The following ANKRD17 variants were observed in gnomAD, a reference collection of about 807,000 sequenced individuals.
ANKRD17 encodes the protein ankyrin repeat domain 17, also known as ankyrin repeat domain-containing protein 17.
Under a neutral mutation model 229.7 loss-of-function variants are expected in ANKRD17, and 19 were observed. That is an observed-to-expected ratio of 0.08 (90% confidence interval 0.06 to 0.12). ANKRD17 has a LOEUF of 0.12. Among genes scored for constraint, ANKRD17 ranks in the 10% least tolerant of loss-of-function variants. The pLI is 1.00. For missense variants in ANKRD17, 2,176 were observed against 3,176.8 expected, an observed-to-expected ratio of 0.68 and a Z score of 7.57; for synonymous variants, 1,112 against 1,146.1, an observed-to-expected ratio of 0.97 and a Z score of 0.60.
intron 1 of ANKRD17, among the ~76,000 whole-genome samples, chr4:73,181,288 A>T (rs1735509612): frequency 6.6e-6 from 1 of 152,206 alleles, no homozygotes; most frequent in Non-Finnish European, 1.5e-5. Context: ...GGAGATAAAG[A>T]AATGCATGAT....
intron 1 of ANKRD17, among the ~76,000 whole-genome samples, chr4:73,213,311 T>A (rs1740571654): frequency 1.3e-5 from 2 of 152,086 alleles, no homozygotes; most frequent in Non-Finnish European, 1.5e-5. Flanking sequence ...CTGTGTGAAA[T>A]CAAAGAGTTA....
chr4:73,099,089 C>A, intron 25 of ANKRD17: 1 of 869,758 alleles, frequency 1.1e-6, no homozygotes, highest in Non-Finnish European at 1.9e-6. Flanking sequence ...ACCCAAAAAA[C>A]TGGAGAAGGA....
intron 12 of ANKRD17, 66 bp downstream of exon 12, chr4:73,142,574 T>C (rs1156654540): frequency 6.2e-7 from 1 of 1,610,346 alleles, no homozygotes; most frequent in Admixed American, 1.7e-5. Context: ...GTACATGATA[T>C]GTTGTAACAA....
intron 1 of ANKRD17, among the ~76,000 whole-genome samples, chr4:73,194,781 C>A (rs976048002): frequency 2.6e-5 from 4 of 151,984 alleles, no homozygotes; most frequent in African/African-American, 4.8e-5. Flanking sequence ...CAAAAATTAA[C>A]CTGAAATAAA....
chr4:73,258,711 G>T lies in ANKRD17; in HGVS notation c.-43C>A. 7.1e-7 allele frequency: 1 copy of T among 1,407,930 alleles called. No homozygotes were observed. Among genetic ancestry groups the T allele is most frequent in the Non-Finnish European group, 9.2e-7 (1 of 1,092,654 alleles). The allele number at this position is 1,407,930 out of a possible 1,614,324, so 87.2% of individuals were successfully genotyped here. A position where few individuals can be genotyped will look rare whatever the true frequency, so the allele number is the denominator to read the frequency against. On this transcript the variant is annotated 5_prime_UTR_variant, in exon 1 of 34. Coordinates refer to ENST00000358602, the MANE Select transcript of ANKRD17 (RefSeq NM_032217.5). ...GGGCGCGGACGGGGGAGGGGCGTGGGGCTACGCTCTACCGCGACTTCGGCC... is the reference window on the plus strand; with the variant it reads ...GGGCGCGGACGGGGGAGGGGCGTGGTGCTACGCTCTACCGCGACTTCGGCC...
chr4:73,090,527 A>T (rs1402675808), intron 29 of ANKRD17, 140 bp downstream of exon 29: 4 of 1,060,266 alleles, frequency 3.8e-6, no homozygotes, highest in Non-Finnish European at 5.4e-6. Flanking sequence ...ACTAAACACA[A>T]ACAACAGCAT....
chr4:73,102,934 T>G (rs1243816266), intron 24 of ANKRD17, among the ~76,000 whole-genome samples: 1 of 152,148 alleles, frequency 6.6e-6, no homozygotes, highest in East Asian at 1.9e-4. Context: ...GGCATGAATA[T>G]TTACATTTTA....
intron 1 of ANKRD17, among the ~76,000 whole-genome samples, chr4:73,190,263 G>C (rs995796931): frequency 1.6e-4 from 24 of 152,070 alleles, no homozygotes; most frequent in African/African-American, 5.8e-4. Flanking sequence ...CAGCTACTTG[G>C]GAGGCTGAGG....
chr4:73,231,674 A>T (rs1743060528), intron 1 of ANKRD17, among the ~76,000 whole-genome samples: 1 of 152,156 alleles, frequency 6.6e-6, no homozygotes, highest in South Asian at 2.1e-4. Flanking sequence ...ATATGCTAAG[A>T]TTTGACTGAA....
At chr4:73,187,901 G>A (rs1022911523) in intron 1 of ANKRD17, among the ~76,000 whole-genome samples, 2 of 152,144 alleles carry the variant, frequency 1.3e-5, no homozygotes, top group East Asian at 3.9e-4. Context: ...TTTGACACCA[G>A]AGACCAGTTT....
rs1310174614 is a variant in ANKRD17, at chr4:73,098,333, A to G, written c.4761T>C (p.Asp1587=). 4 of 1,614,224 alleles carry G rather than the reference A, an allele frequency of 2.5e-6. No homozygotes were observed. The highest frequency in any genetic ancestry group is 3.4e-6 in the Non-Finnish European group (4 of 1,180,044). Residue 1587 remains aspartate, a synonymous_variant, in exon 26 of 34, where the codon GAT becomes GAC. Coordinates refer to ENST00000358602, the MANE Select transcript of ANKRD17 (RefSeq NM_032217.5). ...TPENVQIIFD[D]PLPISYSQPE... is the part of the protein sequence containing the mutation. Reference sequence around the variant, plus strand: ...GCTGACTGTATGAAATTGGTAGTGGATCATCAAATATAATTTGAACGTTTT... The same window carrying G: ...GCTGACTGTATGAAATTGGTAGTGGGTCATCAAATATAATTTGAACGTTTT...
intron 1 of ANKRD17, among the ~76,000 whole-genome samples, chr4:73,230,156 T>A (rs1742904132): frequency 6.6e-6 from 1 of 151,944 alleles, no homozygotes; most frequent in African/African-American, 2.4e-5. Flanking sequence ...CTTCGAGAAA[T>A]GTAGAAGAAT....
At chr4:73,160,318 A>G (rs1423960107) in intron 3 of ANKRD17, among the ~76,000 whole-genome samples, 1 of 149,066 alleles carries the variant, frequency 6.7e-6, no homozygotes. Context: ...TCCCAGGTTC[A>G]AGCGATTCTC....
At chr4:73,149,097 A>G in intron 7 of ANKRD17, 47 bp from the exon 8 acceptor site, 1 of 1,520,224 alleles carries the variant, frequency 6.6e-7, no homozygotes, top group Non-Finnish European at 9.0e-7. Flanking sequence ...CATTAAAAAA[A>G]TCTTGAAAAA....
At position 73,073,675 on chromosome 4, in the gene ANKRD17, G is replaced by C. The variant is rs1243667326; in HGVS notation, c.*2556C>G. 6.6e-6 allele frequency: 1 copy of C among 151,980 alleles called. No homozygotes were observed. Among genetic ancestry groups the C allele is most frequent in the Non-Finnish European group, 1.5e-5 (1 of 67,870 alleles). The allele number at this position is 151,980 out of a possible 1,614,324, so 9.4% of individuals were successfully genotyped here. Reference sequence around the variant, plus strand: ...TCAATAAAAATGACTTGACTTTTCAGTAATGGGAAATAGGAGGGGAAATTT... The same window carrying C: ...TCAATAAAAATGACTTGACTTTTCACTAATGGGAAATAGGAGGGGAAATTT... On this transcript the variant is annotated 3_prime_UTR_variant, in exon 34 of 34. Transcript: ENST00000358602.
At chr4:73,080,355 A>G (rs1420121349) in intron 30 of ANKRD17, among the ~76,000 whole-genome samples, 1 of 152,216 alleles carries the variant, frequency 6.6e-6, no homozygotes, top group Non-Finnish European at 1.5e-5. Flanking sequence ...AAAGAAAATG[A>G]TATGAAGGAA....
At chr4:73,179,697 C>T (rs201680206) in intron 1 of ANKRD17, among the ~76,000 whole-genome samples, 1 of 150,820 alleles carries the variant, frequency 6.6e-6, no homozygotes, top group East Asian at 1.9e-4. Flanking sequence ...AATTCCTGGG[C>T]TCAAGTGATC....
chr4:73,198,306 CTT>C (rs1738169797), intron 1 of ANKRD17, among the ~76,000 whole-genome samples: 1 of 152,094 alleles, frequency 6.6e-6, no homozygotes, highest in Non-Finnish European at 1.5e-5. Context: ...TATAATGAGA[CTT>C]TTAAATTATC....
At chr4:73,095,001 T>A (rs2110185048) in intron 27 of ANKRD17, among the ~76,000 whole-genome samples, 1 of 151,786 alleles carries the variant, frequency 6.6e-6, no homozygotes, top group Non-Finnish European at 1.5e-5. Flanking sequence ...TGAAATCCTG[T>A]CTCTACTGAA....
Sources: gnomAD v4.1 joint callset for allele counts (sites outside exome capture counted in the v4.1 genomes callset) on GRCh38, gnomAD v4.1.1 for gene constraint, MANE v1.5 for transcripts, NCBI Gene and HGNC (gene_info 2026-07-23, HGNC 2026-07-21) for gene names.